Variants in NCOR1 observed in about 807,000 individuals in gnomAD.
The protein encoded by NCOR1 is protein phosphatase 1, regulatory subunit 109.
A neutral mutation model predicts 288.1 loss-of-function variants in NCOR1; 63 were observed. That is an observed-to-expected ratio of 0.22 (90% CI 0.18 to 0.27). The LOEUF is 0.27. NCOR1 is among the 10% of genes least tolerant of loss of function. The pLI is 1.00. For synonymous variants in NCOR1, 1,007 were observed against 1,065.9 expected (o/e 0.94, Z 1.08); for missense variants, 2,397 against 3,019.2 (o/e 0.79, Z 4.83).
At chr17:16,189,990 T>C (rs536037486) in intron 2 of NCOR1, among the ~76,000 whole-genome samples, 5 of 152,252 alleles carry the variant, frequency 3.3e-5, no homozygotes, top group African/African-American at 7.2e-5. Flanking sequence ...CCCAGCACTT[T>C]AGGAGGGCAA....
At chr17:16,053,193 A>G (rs1452396614) in intron 40 of NCOR1, among the ~76,000 whole-genome samples, 1 of 152,196 alleles carries the variant, frequency 6.6e-6, no homozygotes, top group Non-Finnish European at 1.5e-5. Context: ...AGTCTTGACC[A>G]GGGTGATCAG....
Position 16,058,561 on chromosome 17 carries a change from C to T in NCOR1, c.5920G>A (p.Glu1974Lys), listed in dbSNP as rs963357118. Residue 1974 changes from glutamate to lysine, a missense_variant, in exon 38 of 46, where the codon GAG becomes AAG. Physicochemically the swap from Glu to Lys is moderately conservative, Grantham distance 56. This residue lies in a region of NCOR1 where 1,872 missense variants were observed against 2,187.8 expected (regional missense o/e 0.86). Transcript: ENST00000268712. The stretch of plus-strand genomic sequence containing the variant: ...GGTGAGCTGGCAGGACTTATCACCT[C>T]AATAGCATCGCTAGGTGTTTCATAC... ...HRYETPSDAI[E>K]VISPASSPAP... The T allele has an allele frequency of 2.5e-6, 4 of 1,613,054 alleles. No homozygotes were observed. The highest frequency in any genetic ancestry group is 2.7e-5 in the African/African-American group (2 of 74,886).
chr17:16,181,143 A>G (rs546058051), intron 3 of NCOR1, among the ~76,000 whole-genome samples: 1 of 151,878 alleles, frequency 6.6e-6, no homozygotes, highest in African/African-American at 2.4e-5. Context: ...TGGGTGACAG[A>G]GTGAGACTCT....
intron 3 of NCOR1, among the ~76,000 whole-genome samples, chr17:16,184,974 A>G (rs1313186811): frequency 7.2e-6 from 1 of 139,732 alleles, no homozygotes; most frequent in Non-Finnish European, 1.5e-5. Context: ...AAAGTAAAAT[A>G]TTGCATGATT....
At chr17:16,202,339 T>G (rs1295562856) in intron 1 of NCOR1, among the ~76,000 whole-genome samples, 4 of 150,530 alleles carry the variant, frequency 2.7e-5, no homozygotes, top group Non-Finnish European at 5.9e-5. Context: ...AGGCAGAGGT[T>G]GCAGTGAGCC....
At chr17:16,054,958 C>T (rs929856896) in intron 40 of NCOR1, among the ~76,000 whole-genome samples, 2 of 151,824 alleles carry the variant, frequency 1.3e-5, no homozygotes, top group African/African-American at 4.8e-5. Flanking sequence ...GAGTAAGTGC[C>T]AATCAAAACC....
intron 15 of NCOR1, among the ~76,000 whole-genome samples, chr17:16,121,838 T>C (rs1294119223): frequency 6.6e-6 from 1 of 152,232 alleles, no homozygotes; most frequent in Non-Finnish European, 1.5e-5. Context: ...TGGTTAATAC[T>C]TAGGAAACGG....
At chr17:16,182,663 AG>A (rs1276897714) in intron 3 of NCOR1, among the ~76,000 whole-genome samples, 1 of 152,190 alleles carries the variant, frequency 6.6e-6, no homozygotes, top group Non-Finnish European at 1.5e-5. Flanking sequence ...CGTGTTAGCC[AG>A]GATGGTCTCA....
chr17:16,208,035 CTTTTTTTTTTT>C (rs71150278), intron 1 of NCOR1, among the ~76,000 whole-genome samples: 2 of 72,572 alleles, frequency 2.8e-5, no homozygotes, highest in Non-Finnish European at 4.9e-5. Flanking sequence ...ATATTTCTTT[CTTTTTTTTTTT>C]TTTTTTTTTT....
chr17:16,211,945 A>AT (rs150194460), intron 1 of NCOR1, among the ~76,000 whole-genome samples: 4,749 of 152,258 alleles, frequency 0.031, 252 homozygotes, highest in African/African-American at 0.11. Context: ...GTATACATGT[A>AT]TTTTTTGCAT....
intron 5 of NCOR1, among the ~76,000 whole-genome samples, chr17:16,159,886 T>C (rs1476040534): frequency 3.3e-5 from 5 of 151,668 alleles, no homozygotes; most frequent in Admixed American, 6.6e-5. Context: ...TCACCAAGGC[T>C]GGAGTGCAAT....
chr17:16,109,026 CAT>C, intron 18 of NCOR1, 114 bp from the exon 19 acceptor site: 1 of 833,760 alleles, frequency 1.2e-6, no homozygotes, highest in South Asian at 2.9e-5. Flanking sequence ...AAGGAGGTCA[CAT>C]GTTTGACAAT....
At chr17:16,154,355 A>T (rs935910289) in intron 6 of NCOR1, among the ~76,000 whole-genome samples, 3 of 152,196 alleles carry the variant, frequency 2.0e-5, no homozygotes, top group African/African-American at 7.2e-5. Context: ...GAAGTAAATA[A>T]TTCTTCAACA....
At chr17:16,150,660 G>C (rs2153374139) in intron 8 of NCOR1, among the ~76,000 whole-genome samples, 1 of 151,220 alleles carries the variant, frequency 6.6e-6, no homozygotes, top group South Asian at 2.1e-4. Context: ...GACTGTATCA[G>C]GAGAAACAGG....
At chr17:16,171,113 G>A (rs2083071832) in intron 4 of NCOR1, among the ~76,000 whole-genome samples, 1 of 151,928 alleles carries the variant, frequency 6.6e-6, no homozygotes, top group African/African-American at 2.4e-5. Context: ...AACTATGTGA[G>A]GTGATGAATA....
Position 16,034,810 on chromosome 17 carries a change from T to C in NCOR1, c.7090A>G (p.Arg2364Gly). 2.5e-6 allele frequency: 4 copies of C among 1,614,094 alleles called. No homozygotes were observed. Among genetic ancestry groups the C allele is most frequent in the Non-Finnish European group, 3.4e-6 (4 of 1,180,008 alleles). The change falls in exon 45 of 46, where the codon AGG becomes GGG. Residue 2364 changes from arginine to glycine, a missense_variant. Coordinates refer to ENST00000268712, the MANE Select transcript of NCOR1 (RefSeq NM_006311.4). ...TCCCAGGCCCACCCTGGCGTCTGCC[T>C]ATGGTAATCCCCTTCTGAATGTACA... ...SSVHSEGDYHRQTPGWAWEDR... is the reference protein window; with the variant it reads ...SSVHSEGDYHGQTPGWAWEDR...
rs569885135 is a variant in NCOR1, at chr17:16,145,601, C to A, written c.1082+775G>T. On this transcript the variant is annotated intron_variant, in intron 10 of 45. Transcript: ENST00000268712. ...CTCTGCCCGGCTGCCCAGTCTGAGA[C>A]GTGAGGAGCCCCTCTGCCCGGCAGC... Among the ~76,000 whole-genome samples the A allele has an allele frequency of 2.7e-3, 338 of 125,022 alleles. 20 individuals carry two copies. The highest frequency in any genetic ancestry group is 3.7e-3 in the Non-Finnish European group (189 of 50,862). 82.0% of individuals were successfully genotyped at this position (125,022 alleles called of 152,430 possible).
At chr17:16,041,657 T>C (rs1483739411) in intron 42 of NCOR1, among the ~76,000 whole-genome samples, 20 of 152,172 alleles carry the variant, frequency 1.3e-4, no homozygotes, top group Admixed American at 9.8e-4. Flanking sequence ...TCAGGTGATC[T>C]ACCCACCTCA....
At chr17:16,101,807 TTAAAGA>T (rs1568023704) in intron 19 of NCOR1, 50 bp from the exon 20 acceptor site, 1 of 1,602,746 alleles carries the variant, frequency 6.2e-7, no homozygotes, top group Non-Finnish European at 8.5e-7. Context: ...TTTCTGCACC[TTAAAGA>T]TAATGATACA....
Sources: allele counts gnomAD v4.1 joint callset (sites outside exome capture counted in the v4.1 genomes callset), GRCh38; gene constraint gnomAD v4.1.1; regional missense constraint gnomAD v4.1.1; transcripts MANE v1.5; gene names NCBI Gene and HGNC (gene_info 2026-07-23, HGNC 2026-07-21).